The following WRAP73 variants were observed in gnomAD, a reference collection of about 807,000 sequenced individuals.
WRAP73 encodes the protein WD repeat containing, antisense to TP73.
WRAP73 carries 55 observed loss-of-function variants against 59.6 expected under a neutral mutation model. The ratio of observed to expected loss-of-function variants is 0.92; its 90% confidence interval spans 0.74 to 1.15. The LOEUF (loss-of-function observed/expected upper bound fraction) is 1.15, where lower values mean the gene tolerates loss of function less well. WRAP73 is among the 50% of genes most tolerant of loss of function. The probability of loss-of-function intolerance (pLI) is 0.00; values close to 1 mark genes in which losing one functional copy is unlikely to be tolerated. For missense variants in WRAP73, 592 were observed against 608.1 expected (o/e 0.97, Z 0.28); for synonymous variants, 265 against 258.2 (o/e 1.03, Z -0.25).
chr1:3,647,422 G>A lies in WRAP73; in HGVS notation c.208C>T (p.Arg70Ter). Residue 70 changes from arginine to a stop codon, truncating the protein, a stop_gained, in exon 2 of 12, where the codon CGA (arginine) becomes TGA (stop). Coordinates refer to ENST00000270708, the MANE Select transcript of WRAP73 (RefSeq NM_017818.4). LOFTEE classifies it high-confidence loss of function. ...SLFILCAMYK[R>*]GLVQVWSLEQ... is the part of the protein sequence containing the mutation. ...GCAGCACACACCTGCACCAGCCCTC[G>A]CTTGTACATGGCGCACAGGATGAAG... 3.7e-6 allele frequency: 6 copies of A among 1,613,524 alleles called. No individual in the cohort carries two copies. Among genetic ancestry groups the A allele is most frequent in the South Asian group, 3.3e-5 (3 of 91,022 alleles).
At chr1:3,635,631 G>A in intron 6 of WRAP73, 1 of 480,354 alleles carries the variant, frequency 2.1e-6, no homozygotes. Flanking sequence ...GAGCAGTCTG[G>A]GCAACACGGT....
rs751005094 is a variant in WRAP73 at position 3,646,724 on chromosome 1, A to G, written c.281T>C (p.Leu94Pro). ...HCKIDEGSAG[L>P]VASCWSPDGR... is the part of the protein sequence containing the mutation. ...GTCCGGGCTCCAGCACGAGGCCACC[A>G]GCCCGGCTGAGCCCTCGTCTATTTT... The change falls in exon 3 of 12, where the codon CTG becomes CCG. Residue 94 changes from leucine (L) to proline (P), a missense_variant. Leu to Pro is a moderately conservative substitution (Grantham distance 98). Transcript: ENST00000270708. The surrounding 1 kb of genome is among the most constrained non-coding windows in gnomAD (Gnocchi z 5.1). 6.2e-7 allele frequency: 1 copy of G among 1,610,220 alleles called. No individual in the cohort carries two copies. Among genetic ancestry groups the G allele is most frequent in the Non-Finnish European group, 8.5e-7 (1 of 1,177,256 alleles).
At chr1:3,637,572 T>C (rs931120289) in intron 4 of WRAP73, among the ~76,000 whole-genome samples, 6 of 152,234 alleles carry the variant, frequency 3.9e-5, no homozygotes, top group African/African-American at 1.4e-4. Flanking sequence ...CCAGGCATGG[T>C]GGCTCACGCC....
intron 10 of WRAP73, 58 bp downstream of exon 10, chr1:3,632,155 A>G: frequency 6.4e-7 from 1 of 1,551,570 alleles, no homozygotes; most frequent in Admixed American, 2.0e-5. Context: ...TCGCTTCTAC[A>G]CCTGGGGCCA....
In WRAP73 at chr1:3,630,863, T is replaced by A. The variant is rs1376084599; in HGVS notation, c.*112A>T. The A allele has an allele frequency of 4.4e-6, 6 of 1,376,580 alleles. No individual in the cohort carries two copies. The African/African-American group carries it at 7.2e-5, about 17-fold the overall frequency. The allele number at this position is 1,376,580 out of a possible 1,614,324, so 85.3% of individuals were successfully genotyped here. ...AATGCTTTGCTATAGAAAAATAGAA[T>A]CAATCACTGAATCCAGACCACCACA... On this transcript the variant is annotated 3_prime_UTR_variant, in exon 12 of 12. Coordinates refer to ENST00000270708, the MANE Select transcript of WRAP73 (RefSeq NM_017818.4).
rs1313581681 is a variant in WRAP73, at chr1:3,635,391, C to T, written c.604-97G>A. The T allele has an allele frequency of 2.6e-5, 40 of 1,537,212 alleles. No individual in the cohort carries two copies. The South Asian group carries it at 4.3e-4, about 17-fold the overall frequency. On this transcript the variant is annotated intron_variant, in intron 6 of 11. Transcript: ENST00000270708. ...TGCAGAGTGACATTGGTGCAGATAG[C>T]ACAAAGCTGGCAGGACTGTCCGCGT...
At chr1:3,649,888 C>A in intron 1 of WRAP73, 43 bp downstream of exon 1, 1 of 1,564,666 alleles carries the variant, frequency 6.4e-7, no homozygotes, top group Non-Finnish European at 8.6e-7. Flanking sequence ...GGGACGCTGG[C>A]ACCGAGGATG....
At chr1:3,632,572 G>GT in intron 9 of WRAP73, 1 of 586,884 alleles carries the variant, frequency 1.7e-6, no homozygotes, top group South Asian at 1.9e-5. Flanking sequence ...GCCCGACTAG[G>GT]TGGGGGGTGG....
Position 3,633,433 on chromosome 1 carries a change from G to C in WRAP73, c.887C>G (p.Ala296Gly). The C allele has an allele frequency of 6.2e-7, 1 of 1,612,076 alleles. No homozygotes were observed. The highest frequency in any genetic ancestry group is 8.5e-7 in the Non-Finnish European group (1 of 1,179,374). The change falls in exon 9 of 12, where the codon GCC becomes GGC. Residue 296 changes from alanine to glycine, a missense_variant. Physicochemically the swap from Ala to Gly is moderately conservative, Grantham distance 60. Coordinates refer to ENST00000270708, the MANE Select transcript of WRAP73 (RefSeq NM_017818.4). The stretch of plus-strand genomic sequence containing the variant: ...TGAGCTCGGGAGAGGGCCGGCCCCG[G>C]CCCGGGGCGGCGGGAAGGAGAGGCA... ...LGCLSFPPPRAGAGPLPSSES... is the reference protein window; with the variant it reads ...LGCLSFPPPRGGAGPLPSSES...
intron 1 of WRAP73, among the ~76,000 whole-genome samples, chr1:3,649,063 A>T (rs1237527528): frequency 6.6e-6 from 1 of 152,192 alleles, no homozygotes; most frequent in East Asian, 1.9e-4. Flanking sequence ...AACGAAGCCC[A>T]CTTTTTACGA....
chr1:3,638,701 G>C, intron 4 of WRAP73, 49 bp downstream of exon 4: 1 of 1,608,948 alleles, frequency 6.2e-7, no homozygotes, highest in Non-Finnish European at 8.5e-7. Flanking sequence ...TGACAAAAAA[G>C]TCAAACAGCT....
chr1:3,647,369 AG>A (rs1644701803), intron 2 of WRAP73, 38 bp downstream of exon 2: 2 of 1,577,480 alleles, frequency 1.3e-6, no homozygotes. Context: ...AGGGGCCCTC[AG>A]AAGGTGTCCA....
intron 4 of WRAP73, among the ~76,000 whole-genome samples, chr1:3,638,042 A>T (rs1644604520): frequency 6.6e-6 from 1 of 152,222 alleles, no homozygotes; most frequent in African/African-American, 2.4e-5. Context: ...TTCCAACTAT[A>T]AGAATAAGAG....
chr1:3,641,753 A>C (rs1156317614), intron 3 of WRAP73, among the ~76,000 whole-genome samples: 1 of 151,826 alleles, frequency 6.6e-6, no homozygotes, highest in Non-Finnish European at 1.5e-5. Flanking sequence ...GCCTTTATTC[A>C]GATATAAGAA....
intron 5 of WRAP73, chr1:3,636,266 C>T (rs1460716204): frequency 1.1e-5 from 6 of 538,940 alleles, no homozygotes; most frequent in Non-Finnish European, 2.0e-5. Context: ...GGTCTCCCCG[C>T]GCCTGCACTC....
chr1:3,631,558 G>A lies in WRAP73; in HGVS notation c.1148C>T (p.Pro383Leu), dbSNP rs151110688. Residue 383 changes from proline to leucine, a missense_variant, in exon 11 of 12, where the codon CCG becomes CTG. Transcript: ENST00000270708. The stretch of plus-strand genomic sequence containing the variant: ...GCAGATGGCCAGCCGCGGCTGCTGC[G>A]GGTCCCACTGAAATGCGCGCACTGG... ...LSPVRAFQWD[P>L]QQPRLAICTG... 2.9e-3 allele frequency: 4,710 copies of A among 1,611,508 alleles called. 31 individuals carry two copies. Among genetic ancestry groups the A allele is most frequent in the South Asian group, 0.013 (1,143 of 90,948 alleles).
intron 2 of WRAP73, chr1:3,647,191 C>A (rs1179586503): frequency 1.8e-6 from 1 of 541,086 alleles, no homozygotes; most frequent in African/African-American, 2.0e-5. Flanking sequence ...CTGTCAACAC[C>A]TCCGTTTCTC....
rs1644572677 is a variant in WRAP73, at chr1:3,634,684, G to A, written c.816+313C>T. 3 of 376,212 alleles carry A rather than the reference G, an allele frequency of 8.0e-6. No individual in the cohort carries two copies. In the East Asian group the frequency reaches 1.7e-4, roughly 21 times the overall value. 23.3% of individuals were successfully genotyped at this position (376,212 alleles called of 1,614,324 possible). On this transcript the variant is annotated intron_variant, in intron 8 of 11. Coordinates refer to ENST00000270708, the MANE Select transcript of WRAP73 (RefSeq NM_017818.4). ...AGCAGATGCCCAGTGTTTGGGGGCA[G>A]GAGACCCTGGCCACTCTGTACAGCA... is the stretch of plus-strand genomic sequence containing the variant.
chr1:3,632,181 G>T (rs759344720), intron 10 of WRAP73, 32 bp downstream of exon 10: 37 of 1,599,314 alleles, frequency 2.3e-5, no homozygotes, highest in Non-Finnish European at 3.1e-5. Flanking sequence ...CACAGTAAAG[G>T]GTGAGACAGC....
Sources: allele counts gnomAD v4.1 joint callset (sites outside exome capture counted in the v4.1 genomes callset), GRCh38; gene constraint gnomAD v4.1.1; non-coding constraint Gnocchi (gnomAD v3.1); transcripts MANE v1.5; gene names NCBI Gene and HGNC (gene_info 2026-07-23, HGNC 2026-07-21).